The following LRGUK variants were observed in gnomAD, a reference collection of about 807,000 sequenced individuals.
The protein encoded by LRGUK is leucine-rich repeat and guanylate kinase domain-containing protein.
LRGUK carries 65 observed loss-of-function variants against 76.0 expected under a neutral mutation model. The observed-to-expected ratio is 0.85, with a 90% CI of 0.70 to 1.05. The LOEUF is 1.05. LRGUK is among the 50% of genes least tolerant of loss of function. The pLI, the probability that LRGUK is intolerant of heterozygous loss-of-function variation, is 0.00. For missense variants in LRGUK, 758 were observed against 732.8 expected, an observed-to-expected ratio of 1.03 and a Z score of -0.40; for synonymous variants, 268 against 265.6, an observed-to-expected ratio of 1.01 and a Z score of -0.09.
chr7:134,217,228 A>G (rs1801459412), intron 15 of LRGUK, among the ~76,000 whole-genome samples: 1 of 150,270 alleles, frequency 6.7e-6, no homozygotes, highest in Non-Finnish European at 1.5e-5. Context: ...TGCAAGGCCC[A>G]AATATTGACC....
At chr7:134,255,705 A>T (rs1802561614) in intron 18 of LRGUK, among the ~76,000 whole-genome samples, 1 of 152,150 alleles carries the variant, frequency 6.6e-6, no homozygotes, top group Admixed American at 6.5e-5. Flanking sequence ...TAAAAATGGG[A>T]AGGTCCTATA....
rs777101304 is a variant in LRGUK at position 134,183,716 on chromosome 7, T to C, written c.1215-18T>C. 2 of 1,613,550 alleles carry C rather than the reference T, an allele frequency of 1.2e-6. No homozygotes were observed. Among genetic ancestry groups the C allele is most frequent in the Non-Finnish European group, 1.7e-6 (2 of 1,179,686 alleles). ...CCCTGACTGCAATAGGAGAACTGAC[T>C]CTGGTCCTGTGTTGTAGCACTCTTC... is the stretch of plus-strand genomic sequence containing the variant. On this transcript the variant is annotated intron_variant, in intron 10 of 15. Coordinates refer to ENST00000645682, the Ensembl canonical transcript of LRGUK.
chr7:134,197,041 A>T, exon 13 of LRGUK: 1 of 1,612,456 alleles, frequency 6.2e-7, no homozygotes, highest in Non-Finnish European at 8.5e-7. Context: ...TATGGATTAA[A>T]TAGGGACACC....
chr7:134,147,402 T>A (rs995690703), intron 4 of LRGUK, among the ~76,000 whole-genome samples: 1 of 150,748 alleles, frequency 6.6e-6, no homozygotes, highest in East Asian at 2.0e-4. Flanking sequence ...GCCACAGCAC[T>A]TCAGCCTGAG....
At chr7:134,186,750 TA>T (rs1440472722) in intron 11 of LRGUK, among the ~76,000 whole-genome samples, 1 of 152,242 alleles carries the variant, frequency 6.6e-6, no homozygotes, top group African/African-American at 2.4e-5. Flanking sequence ...ATGAAATTTG[TA>T]ATCTAATGGG....
intron 10 of LRGUK, among the ~76,000 whole-genome samples, chr7:134,182,646 C>T (rs1799802670): frequency 2.0e-5 from 3 of 152,320 alleles, no homozygotes; most frequent in South Asian, 2.1e-4. Flanking sequence ...ATCCACACCT[C>T]AGCCATGTGG....
At chr7:134,209,472 T>C (rs2117120558) in exon 16 of LRGUK, 1 of 398,702 alleles carries the variant, frequency 2.5e-6, no homozygotes, top group African/African-American at 2.1e-5. Context: ...CCCCAAGACT[T>C]AGCAACAGAT....
chr7:134,227,470 T>C (rs1225304213), intron 16 of LRGUK, among the ~76,000 whole-genome samples: 2 of 152,194 alleles, frequency 1.3e-5, no homozygotes, highest in Non-Finnish European at 2.9e-5. Flanking sequence ...GTAAATACAC[T>C]GTCTAATGCA....
At chr7:134,221,284 C>T (rs1316753542) in intron 15 of LRGUK, among the ~76,000 whole-genome samples, 3 of 152,098 alleles carry the variant, frequency 2.0e-5, no homozygotes, top group Non-Finnish European at 4.4e-5. Context: ...ATACAGTATT[C>T]TTATATTCTA....
chr7:134,191,595 C>T (rs1230977248), intron 11 of LRGUK, 60 bp from the exon 12 acceptor site: 1 of 1,086,794 alleles, frequency 9.2e-7, no homozygotes, highest in Non-Finnish European at 1.4e-6. Flanking sequence ...TATATTGAAA[C>T]CTTTTCCATT....
At chr7:134,261,064 C>G (rs773442804) in intron 19 of LRGUK, among the ~76,000 whole-genome samples, 2 of 152,132 alleles carry the variant, frequency 1.3e-5, no homozygotes, top group Non-Finnish European at 2.9e-5. Context: ...AGATATTTGA[C>G]TGGTTCCAGA....
intron 7 of LRGUK, among the ~76,000 whole-genome samples, chr7:134,165,100 C>G (rs1217935040): frequency 6.6e-6 from 1 of 152,108 alleles, no homozygotes. Context: ...CTCATTAAAT[C>G]TCAACTCAAT....
chr7:134,204,266 G>A (rs1800911660), intron 15 of LRGUK, among the ~76,000 whole-genome samples: 1 of 152,134 alleles, frequency 6.6e-6, no homozygotes, highest in Non-Finnish European at 1.5e-5. Flanking sequence ...TTGCCATTTG[G>A]TAAATTAATA....
At chr7:134,168,782 C>G (rs1799108257) in intron 7 of LRGUK, among the ~76,000 whole-genome samples, 1 of 152,118 alleles carries the variant, frequency 6.6e-6, no homozygotes, top group African/African-American at 2.4e-5. Flanking sequence ...ATCCAGCCTC[C>G]TTACTGTCAT....
chr7:134,238,979 T>C (rs995993554), intron 16 of LRGUK, among the ~76,000 whole-genome samples: 2 of 152,176 alleles, frequency 1.3e-5, no homozygotes, highest in Non-Finnish European at 2.9e-5. Context: ...TACATTTTTA[T>C]TCCACTCCCA....
chr7:134,151,958 C>T (rs1369800732), intron 5 of LRGUK, among the ~76,000 whole-genome samples: 1 of 151,998 alleles, frequency 6.6e-6, no homozygotes, highest in Non-Finnish European at 1.5e-5. Context: ...ATGTTCTAAG[C>T]TTTCTCCTTT....
intron 5 of LRGUK, among the ~76,000 whole-genome samples, chr7:134,156,751 C>T (rs1563150248): frequency 6.6e-6 from 1 of 152,140 alleles, no homozygotes; most frequent in East Asian, 1.9e-4. Flanking sequence ...AAAAATTAAT[C>T]TGCCTACAGT....
chr7:134,128,971 C>G (rs1015312159), intron 1 of LRGUK, among the ~76,000 whole-genome samples: 1 of 152,110 alleles, frequency 6.6e-6, no homozygotes, highest in Admixed American at 6.5e-5. Context: ...TCTCCCCTTT[C>G]CTTTTCCTTG....
Position 134,247,645 on chromosome 7 carries a change from G to C in LRGUK, c.2072+1G>C, listed in dbSNP as rs756304858. On this transcript the variant is annotated splice_donor_variant, in intron 17 of 19. Transcript: ENST00000285928. LOFTEE classifies it high-confidence loss of function. ...CTGATCACACACTCCTATTTCAAAGGTAGCAATTTATCACATGAGCAACTT... is the reference window on the plus strand; with the variant it reads ...CTGATCACACACTCCTATTTCAAAGCTAGCAATTTATCACATGAGCAACTT... 1 of 1,609,630 alleles carries C rather than the reference G, an allele frequency of 6.2e-7. No individual in the cohort carries two copies. Among genetic ancestry groups the C allele is most frequent in the East Asian group, 2.2e-5 (1 of 44,812 alleles).
Sources: gnomAD v4.1 joint callset for allele counts (sites outside exome capture counted in the v4.1 genomes callset) on GRCh38, gnomAD v4.1.1 for gene constraint, MANE v1.5 for transcripts, NCBI Gene and HGNC (gene_info 2026-07-23, HGNC 2026-07-21) for gene names.